Variants in CIMAP1D observed in about 807,000 individuals in gnomAD.
The protein encoded by CIMAP1D is protein CIMAP1D.
At chr19:481,111 G>C in the CIMAP1D span, among the ~76,000 whole-genome samples, 38 of 131,470 alleles carry the variant, frequency 2.9e-4, no homozygotes, top group Middle Eastern at 4.4e-3. Context: ...AACGATGATG[G>C]AGAAGGAATG....
chr19:490,717 A>G, the CIMAP1D span, among the ~76,000 whole-genome samples: 1 of 152,200 alleles, frequency 6.6e-6, no homozygotes, highest in African/African-American at 2.4e-5. Context: ...GTAATCCAGC[A>G]CTTTGGGAGC....
the CIMAP1D span, chr19:463,850 G>T: frequency 1.2e-5 from 20 of 1,607,754 alleles, 1 homozygote; most frequent in Admixed American, 1.3e-4. Context: ...TGGCCTAGCA[G>T]CAGCGGCCGG....
the CIMAP1D span, chr19:467,690 C>T: frequency 7.4e-6 from 12 of 1,612,054 alleles, no homozygotes; most frequent in Non-Finnish European, 9.3e-6. Context: ...GGCAGGGGTG[C>T]AGCTGCGGCC....
chr19:465,805 GTGGA>G, the CIMAP1D span, among the ~76,000 whole-genome samples: 1 of 137,370 alleles, frequency 7.3e-6, no homozygotes, highest in African/African-American at 2.7e-5. Flanking sequence ...GGGTAGGTGG[GTGGA>G]TGGATGAGTG....
At chr19:471,892 G>A in the CIMAP1D span, among the ~76,000 whole-genome samples, 2 of 152,020 alleles carry the variant, frequency 1.3e-5, no homozygotes, top group African/African-American at 2.4e-5. Flanking sequence ...ACAGGCGCCC[G>A]CCACCACGCC....
chr19:467,697 G>A, the CIMAP1D span: 36 of 1,612,152 alleles, frequency 2.2e-5, no homozygotes, highest in African/African-American at 1.2e-4. Flanking sequence ...GTGCAGCTGC[G>A]GCCAAAGCGT....
chr19:484,825 G>A, the CIMAP1D span, among the ~76,000 whole-genome samples: 1 of 152,198 alleles, frequency 6.6e-6, no homozygotes, highest in Admixed American at 6.5e-5. Context: ...AGGACACAGG[G>A]TTTTACCCTG....
the CIMAP1D span, among the ~76,000 whole-genome samples, chr19:469,670 G>A: frequency 1.3e-5 from 2 of 151,942 alleles, no homozygotes; most frequent in South Asian, 2.1e-4. Context: ...CAGCCTGGGC[G>A]ATAGTGTGAG....
At chr19:474,942 G>A in the CIMAP1D span, 2 of 444,654 alleles carry the variant, frequency 4.5e-6, no homozygotes, top group South Asian at 6.3e-5. Context: ...AAGGCAGGCT[G>A]GTCGGCCGGA....
At chr19:474,939 G>C in the CIMAP1D span, 4 of 454,042 alleles carry the variant, frequency 8.8e-6, no homozygotes, top group Non-Finnish European at 1.5e-5. Context: ...CCCAAGGCAG[G>C]CTGGTCGGCC....
the CIMAP1D span, among the ~76,000 whole-genome samples, chr19:478,628 A>G: frequency 2.6e-5 from 4 of 152,282 alleles, no homozygotes; most frequent in Admixed American, 2.0e-4. Context: ...TGAGATGCAA[A>G]TGAATTCAAC....
chr19:472,540 A>C, the CIMAP1D span: 1 of 1,415,092 alleles, frequency 7.1e-7, no homozygotes, highest in Non-Finnish European at 9.6e-7. Context: ...CTGGGCCCAG[A>C]TTCCCCGAAG....
the CIMAP1D span, among the ~76,000 whole-genome samples, chr19:475,568 GGGGCAGCGGCGA>G: frequency 5.3e-5 from 8 of 152,112 alleles, no homozygotes; most frequent in Admixed American, 3.3e-4. Context: ...CAGAGGCCCT[GGGGCAGCGGCGA>G]GGACAGCGGG....
the CIMAP1D span, chr19:489,166 A>T: frequency 6.6e-6 from 1 of 152,052 alleles, no homozygotes; most frequent in African/African-American, 2.4e-5. Flanking sequence ...TGGCAGGGCC[A>T]GTGAGCTGCA....
the CIMAP1D span, among the ~76,000 whole-genome samples, chr19:477,827 G>A: frequency 3.3e-5 from 5 of 152,092 alleles, no homozygotes; most frequent in African/African-American, 4.8e-5. Context: ...GCCACGGCAC[G>A]CAGGCCCTGC....
the CIMAP1D span, among the ~76,000 whole-genome samples, chr19:472,997 A>G: frequency 0.031 from 2,003 of 64,030 alleles, 84 homozygotes; most frequent in South Asian, 0.05. Context: ...CAGATGGGGA[A>G]ACTGAGGCCC....
chr19:478,075 A>G, the CIMAP1D span, among the ~76,000 whole-genome samples: 1 of 152,214 alleles, frequency 6.6e-6, no homozygotes, highest in African/African-American at 2.4e-5. Flanking sequence ...AACCTTGGAC[A>G]CACCATTTGC....
the CIMAP1D span, among the ~76,000 whole-genome samples, chr19:491,281 AAAG>A: frequency 6.6e-6 from 1 of 152,174 alleles, no homozygotes; most frequent in South Asian, 2.1e-4. Flanking sequence ...TCTCAAAAAA[AAAG>A]AAGGCTTTTA....
chr19:463,686 T>C, the CIMAP1D span: 1 of 1,064,090 alleles, frequency 9.4e-7, no homozygotes. Flanking sequence ...CCCCAGGGAC[T>C]GGAAGGATCA....
Sources: gnomAD v4.1 joint callset for allele counts (sites outside exome capture counted in the v4.1 genomes callset) on GRCh38, gnomAD v4.1.1 for gene constraint, MANE v1.5 for transcripts, NCBI Gene and HGNC (gene_info 2026-07-23, HGNC 2026-07-21) for gene names.